AASS: variants seen among roughly 807,000 people sequenced by gnomAD.
AASS encodes the protein alpha-aminoadipic semialdehyde synthase, mitochondrial.
A neutral mutation model predicts 105.4 loss-of-function variants in AASS; 86 were observed. The ratio of observed to expected loss-of-function variants is 0.82; its 90% CI spans 0.69 to 0.98. AASS has a LOEUF of 0.98. Ranked by LOEUF, AASS falls within the 50% of genes least tolerant of loss-of-function variation. The pLI is 0.00. For missense variants in AASS, 1,048 were observed against 1,143.2 expected (o/e 0.92, Z 1.20); for synonymous variants, 381 against 394.8 (o/e 0.96, Z 0.41).
intron 11 of AASS, among the ~76,000 whole-genome samples, chr7:122,102,938 A>C (rs1794499543): frequency 6.6e-6 from 1 of 152,094 alleles, no homozygotes; most frequent in East Asian, 1.9e-4. Flanking sequence ...TAGAACCAAG[A>C]AGTGTAATGG....
rs754863675 is a variant in AASS, at chr7:122,115,091, G to C, written c.1026C>G (p.Cys342Trp). 1 of 1,614,092 alleles carries C rather than the reference G, an allele frequency of 6.2e-7. No individual in the cohort carries two copies. Among genetic ancestry groups the C allele is most frequent in the South Asian group, 1.1e-5 (1 of 91,078 alleles). ...GKFSPAGVEG[C>W]PALPHKLVAI... Reference sequence around the variant, plus strand: ...GTCCTTACTTGTGTGGTAATGCAGGGCAGCCTTCCACACCAGCAGGTGAGA... The same window carrying C: ...GTCCTTACTTGTGTGGTAATGCAGGCCAGCCTTCCACACCAGCAGGTGAGA... The change falls in exon 9 of 24, where the codon TGC (cysteine) becomes TGG (tryptophan). Residue 342 changes from cysteine to tryptophan, a missense_variant. Physicochemically the swap from Cys to Trp is radical, Grantham distance 215. Coordinates refer to ENST00000417368, the MANE Select transcript of AASS (RefSeq NM_005763.4).
At chr7:122,118,522 G>T (rs1562981178) in intron 5 of AASS, 41 bp downstream of exon 5, 6 of 1,614,014 alleles carry the variant, frequency 3.7e-6, no homozygotes, top group Non-Finnish European at 5.1e-6. Flanking sequence ...TAAGGTGTGA[G>T]ATGTGTTTTC....
intron 11 of AASS, among the ~76,000 whole-genome samples, chr7:122,107,024 A>T (rs1794700906): frequency 6.6e-6 from 1 of 151,990 alleles, no homozygotes; most frequent in Non-Finnish European, 1.5e-5. Context: ...AGCTTCTATA[A>T]AAACTTAAAT....
rs1792866291 is a variant in AASS, at chr7:122,073,617, T to C, written c.*2872A>G. Among the ~76,000 whole-genome samples, 1 of 152,200 alleles carries C rather than the reference T, an allele frequency of 6.6e-6. No homozygotes were observed. The highest frequency in any genetic ancestry group is 1.5e-5 in the Non-Finnish European group (1 of 68,030). The stretch of plus-strand genomic sequence containing the variant: ...TACCACACAGTTCAAACATTCAAAG[T>C]ATACAATTCAGTGGTTTTTAGTATA... On this transcript the variant is annotated 3_prime_UTR_variant, in exon 24 of 24. Transcript: ENST00000417368.
chr7:122,076,354 GT>G lies in AASS; in HGVS notation c.*134del, dbSNP rs1223140210. Reference sequence around the variant, plus strand: ...TTCCATATTAAAATAAAGATTTATAGTTCAAAAAGTACATTGTGTTAACCAA... The same window carrying G: ...TTCCATATTAAAATAAAGATTTATAGTCAAAAAGTACATTGTGTTAACCAA... On this transcript the variant is annotated 3_prime_UTR_variant, in exon 24 of 24. Transcript: ENST00000417368. The G allele has an allele frequency of 5.7e-6, 4 of 705,664 alleles. No homozygotes were observed. The Admixed American group carries it at 8.5e-5, about 15-fold the overall frequency. The allele number at this position is 705,664 out of a possible 1,614,324, so 43.7% of individuals were successfully genotyped here.
In AASS at chr7:122,092,890, T is replaced by A. The variant is rs754292095; in HGVS notation, c.1828A>T (p.Met610Leu). The change falls in exon 17 of 24, where the codon ATG becomes TTG. Residue 610 changes from methionine (M) to leucine (L), a missense_variant. Physicochemically the swap from Met to Leu is conservative, Grantham distance 15. Coordinates refer to ENST00000417368, the MANE Select transcript of AASS (RefSeq NM_005763.4). ...TTATCTATTGTTTCCATTGCTAACA[T>A]GTGATCCAGACCAGGGTCCAATCCC... ...ELGLDPGLDH[M>L]LAMETIDKAK... 1.2e-5 allele frequency: 19 copies of A among 1,613,968 alleles called. No homozygotes were observed. Among genetic ancestry groups the A allele is most frequent in the Middle Eastern group, 1.7e-4 (1 of 6,058 alleles).
At chr7:122,143,512 C>G (rs890078948) in intron 1 of AASS, among the ~76,000 whole-genome samples, 1 of 151,374 alleles carries the variant, frequency 6.6e-6, no homozygotes, top group Non-Finnish European at 1.5e-5. Context: ...GCTGCATAGT[C>G]CCGCAGGGGC....
At chr7:122,142,288 T>G (rs907187660) in intron 1 of AASS, among the ~76,000 whole-genome samples, 2 of 152,138 alleles carry the variant, frequency 1.3e-5, no homozygotes, top group African/African-American at 4.8e-5. Flanking sequence ...AAACAATAAA[T>G]TTTAAGAAAA....
intron 13 of AASS, among the ~76,000 whole-genome samples, chr7:122,101,087 G>A (rs1794404823): frequency 6.6e-6 from 1 of 151,744 alleles, no homozygotes; most frequent in Non-Finnish European, 1.5e-5. Context: ...AGAAAAACAA[G>A]AAGCTACCTG....
rs1260331798 is a variant in AASS, at chr7:122,104,564, C to A, written c.1279-2884G>T. Among the ~76,000 whole-genome samples the A allele has an allele frequency of 3.3e-5, 5 of 152,078 alleles. No individual in the cohort carries two copies. The South Asian group carries it at 1.0e-3, about 31-fold the overall frequency. On this transcript the variant is annotated intron_variant, in intron 11 of 23. Transcript: ENST00000417368. Reference sequence around the variant, plus strand: ...AAATGAGATGGTGCCACTACACCAGCCTAGGTGACAGAGCAAGACTGCCTC... The same window carrying A: ...AAATGAGATGGTGCCACTACACCAGACTAGGTGACAGAGCAAGACTGCCTC...
chr7:122,078,227 A>G (rs1793119357), intron 22 of AASS, among the ~76,000 whole-genome samples: 1 of 152,070 alleles, frequency 6.6e-6, no homozygotes, highest in Non-Finnish European at 1.5e-5. Context: ...GATTCATGTC[A>G]CCATATCCTG....
Position 122,079,245 on chromosome 7 carries a change from A to G in AASS, c.2397-295T>C, listed in dbSNP as rs190997123. 3.7e-6 allele frequency: 5 copies of G among 1,360,868 alleles called. No homozygotes were observed. The African/African-American group carries it at 7.3e-5, about 20-fold the overall frequency. The allele number at this position is 1,360,868 out of a possible 1,614,324, so 84.3% of individuals were successfully genotyped here. On this transcript the variant is annotated intron_variant, in intron 21 of 23. Coordinates refer to ENST00000417368, the MANE Select transcript of AASS (RefSeq NM_005763.4). The stretch of plus-strand genomic sequence containing the variant: ...AGATTAATTTATAGGTTAGTTCTCC[A>G]ACATTAGGTATACCAGCAGGATGCC...
intron 23 of AASS, among the ~76,000 whole-genome samples, 173 bp downstream of exon 23, chr7:122,077,665 T>G (rs771878248): frequency 1.3e-5 from 2 of 152,212 alleles, no homozygotes; most frequent in Non-Finnish European, 2.9e-5. Flanking sequence ...AAAGCCCACA[T>G]GCTTTACTCA....
At chr7:122,138,879 C>T (rs1043891765) in intron 1 of AASS, among the ~76,000 whole-genome samples, 2 of 151,960 alleles carry the variant, frequency 1.3e-5, no homozygotes, top group Non-Finnish European at 2.9e-5. Flanking sequence ...CATACACATC[C>T]CATTTTCTTT....
At chr7:122,109,727 C>T (rs1340375172) in intron 11 of AASS, among the ~76,000 whole-genome samples, 1 of 151,352 alleles carries the variant, frequency 6.6e-6, no homozygotes, top group Non-Finnish European at 1.5e-5. Flanking sequence ...AGGGGAAATG[C>T]TTCATTACAT....
chr7:122,100,856 C>T (rs1584844908), intron 13 of AASS, among the ~76,000 whole-genome samples: 1 of 151,960 alleles, frequency 6.6e-6, no homozygotes, highest in East Asian at 1.9e-4. Flanking sequence ...CACCTTCCCC[C>T]TAATAAGAAT....
intron 4 of AASS, among the ~76,000 whole-genome samples, chr7:122,119,209 A>G (rs928280633): frequency 6.6e-6 from 1 of 152,026 alleles, no homozygotes; most frequent in African/African-American, 2.4e-5. Context: ...GAAATTTTTA[A>G]TCCTACGTTT....
At chr7:122,131,978 G>C (rs1795938157) in intron 2 of AASS, among the ~76,000 whole-genome samples, 1 of 151,980 alleles carries the variant, frequency 6.6e-6, no homozygotes, top group African/African-American at 2.4e-5. Flanking sequence ...GAATGAAAAA[G>C]GTCCATGCTT....
In AASS at chr7:122,099,122, T is replaced by G. The variant is rs755985671; in HGVS notation, c.1407-256A>C. On this transcript the variant is annotated intron_variant, in intron 13 of 23. Coordinates refer to ENST00000417368, the MANE Select transcript of AASS (RefSeq NM_005763.4). ...TCTGAGATATATATCTACAGACGTATAGATGTATTTCATGAATTCCCAGTA... is the reference window on the plus strand; with the variant it reads ...TCTGAGATATATATCTACAGACGTAGAGATGTATTTCATGAATTCCCAGTA... Among the ~76,000 whole-genome samples, 42 of 151,862 alleles carry G rather than the reference T, an allele frequency of 2.8e-4. 1 individual carries two copies. The highest frequency in any genetic ancestry group is 5.6e-4 in the Non-Finnish European group (38 of 67,848).
Sources: allele counts gnomAD v4.1 joint callset (sites outside exome capture counted in the v4.1 genomes callset), GRCh38; gene constraint gnomAD v4.1.1; transcripts MANE v1.5; gene names NCBI Gene and HGNC (gene_info 2026-07-23, HGNC 2026-07-21).